Variants in TRPM3 observed in about 807,000 individuals in gnomAD.
TRPM3 encodes the protein transient receptor potential cation channel subfamily M member 3, also known as long transient receptor potential channel 3.
In TRPM3, 77 loss-of-function variants were observed where a neutral mutation model predicts 181.2. That is an observed-to-expected ratio of 0.42 (90% CI 0.35 to 0.51). The LOEUF (loss-of-function observed/expected upper bound fraction) is 0.51. TRPM3 is among the 20% of genes least tolerant of loss of function. The probability of loss-of-function intolerance (pLI) is 0.01; values close to 1 mark genes in which losing one functional copy is unlikely to be tolerated. For missense variants in TRPM3, 1,759 were observed against 2,196.7 expected (o/e 0.80, Z 3.98); for synonymous variants, 745 against 796.4 (o/e 0.94, Z 1.09).
At chr9:71,425,375 C>T (rs2093845816) in intron 1 of TRPM3, among the ~76,000 whole-genome samples, 1 of 152,108 alleles carries the variant, frequency 6.6e-6, no homozygotes, top group Non-Finnish European at 1.5e-5. Context: ...CTTCCAAAGC[C>T]TATTTCTCCC....
intron 6 of TRPM3, among the ~76,000 whole-genome samples, chr9:70,784,733 G>A (rs2083230867): frequency 6.6e-6 from 1 of 152,196 alleles, no homozygotes; most frequent in South Asian, 2.1e-4. Flanking sequence ...TATCACAGGG[G>A]TAAGAAAATC....
chr9:71,369,397 A>G (rs1170519535), intron 1 of TRPM3, among the ~76,000 whole-genome samples: 2 of 152,354 alleles, frequency 1.3e-5, no homozygotes, highest in African/African-American at 4.8e-5. Flanking sequence ...ACATGTTTCT[A>G]AAGAATCGAA....
intron 3 of TRPM3, among the ~76,000 whole-genome samples, chr9:70,849,321 A>G (rs947598093): frequency 2.0e-5 from 3 of 151,974 alleles, no homozygotes; most frequent in Non-Finnish European, 4.4e-5. Flanking sequence ...ATTTTTTTGT[A>G]TTTTTATTAT....
intron 1 of TRPM3, among the ~76,000 whole-genome samples, chr9:71,007,076 AG>A (rs2097686549): frequency 2.2e-5 from 3 of 136,718 alleles, no homozygotes; most frequent in South Asian, 2.4e-4. Context: ...AAGAAAAAAA[AG>A]ACTAAGTCAG....
chr9:71,263,250 A>G (rs566772381), intron 1 of TRPM3, among the ~76,000 whole-genome samples: 2 of 152,114 alleles, frequency 1.3e-5, no homozygotes, highest in African/African-American at 2.4e-5. Flanking sequence ...GTTTGCTTAC[A>G]TTTTTTTAAA....
chr9:71,165,113 G>C (rs988505794), intron 1 of TRPM3, among the ~76,000 whole-genome samples: 5 of 152,164 alleles, frequency 3.3e-5, no homozygotes, highest in African/African-American at 1.2e-4. Context: ...CAGCCCCGGA[G>C]CCAGGCTGAC....
At position 70,982,175 on chromosome 9, in the gene TRPM3, A is replaced by G. The variant is rs1033341168; in HGVS notation, c.178-117664T>C. On this transcript the variant is annotated intron_variant, in intron 1 of 25. Transcript: ENST00000677713. ...GCTGGCTTATTTCTCCAAGTCAGTT[A>G]TAATGTACAACCTCACATTCTTGGG... 2.6e-5 allele frequency among the ~76,000 whole-genome samples: 4 copies of G among 152,208 alleles called. No individual in the cohort carries two copies. In the South Asian group the frequency reaches 8.3e-4, roughly 32 times the overall value.
At chr9:70,582,256 T>C (rs115930926) in intron 22 of TRPM3, among the ~76,000 whole-genome samples, 287 of 152,232 alleles carry the variant, frequency 1.9e-3, no homozygotes, top group African/African-American at 6.5e-3. Context: ...ACATTTTAAA[T>C]TCCTTTATAA....
At chr9:71,059,723 C>T (rs1353218664) in intron 1 of TRPM3, among the ~76,000 whole-genome samples, 1 of 152,072 alleles carries the variant, frequency 6.6e-6, no homozygotes, top group Non-Finnish European at 1.5e-5. Context: ...AGGACTGAAG[C>T]ATCAATTCCT....
chr9:71,014,931 A>C (rs1374770306), intron 1 of TRPM3, among the ~76,000 whole-genome samples: 1 of 152,174 alleles, frequency 6.6e-6, no homozygotes, highest in African/African-American at 2.4e-5. Context: ...TTCTCCATAT[A>C]ATCAGCTTTC....
chr9:70,920,948 AT>A, intron 1 of TRPM3, among the ~76,000 whole-genome samples: 2 of 151,788 alleles, frequency 1.3e-5, no homozygotes, highest in South Asian at 4.2e-4. Flanking sequence ...GACCAGAGGA[AT>A]GTTGCCAAAC....
chr9:71,296,300 T>A (rs1340126830), intron 1 of TRPM3, among the ~76,000 whole-genome samples: 2 of 152,142 alleles, frequency 1.3e-5, no homozygotes, highest in South Asian at 2.1e-4. Context: ...CCTTGCAGCT[T>A]CATATTCTGC....
chr9:71,027,766 A>G (rs141827022), intron 1 of TRPM3, among the ~76,000 whole-genome samples: 1 of 152,288 alleles, frequency 6.6e-6, no homozygotes, highest in Non-Finnish European at 1.5e-5. Flanking sequence ...AAGAAGAAAG[A>G]AGAAAGAATG....
intron 22 of TRPM3, among the ~76,000 whole-genome samples, chr9:70,573,003 T>C (rs2052873675): frequency 6.6e-6 from 1 of 152,236 alleles, no homozygotes; most frequent in South Asian, 2.1e-4. Context: ...ATAGATGGTA[T>C]AATTTATCTG....
chr9:71,260,754 T>C (rs1410027148), intron 1 of TRPM3, among the ~76,000 whole-genome samples: 2 of 152,230 alleles, frequency 1.3e-5, no homozygotes, highest in Non-Finnish European at 2.9e-5. Flanking sequence ...TTGCTGAAGT[T>C]GCTTATCAAC....
At position 70,536,792 on chromosome 9, in the gene TRPM3, G is replaced by A. The variant is rs773005864; in HGVS notation, c.4321C>T (p.Pro1441Ser). ...GAAGGTACTGGAGTTGAAAAGCTTG[G>A]CTCGCCCAGCCCAAGGATGTTCACG... ...NSVNILGLGE[P>S]SFSTPVPSTA... The change falls in exon 26 of 26, where the codon CCA becomes TCA. Residue 1441 changes from proline (P) to serine (S), a missense_variant. Physicochemically the swap from Pro to Ser is moderately conservative, Grantham distance 74. Around this residue, in one of 8 missense-constraint regions of TRPM3, gnomAD observed 612 missense variants for 590.0 expected, o/e 1.04. Coordinates refer to ENST00000677713, the MANE Select transcript of TRPM3 (RefSeq NM_001366145.2). The A allele has an allele frequency of 6.2e-7, 1 of 1,614,166 alleles. No individual in the cohort carries two copies. The highest frequency in any genetic ancestry group is 1.7e-5 in the Admixed American group (1 of 60,028).
intron 1 of TRPM3, among the ~76,000 whole-genome samples, chr9:71,419,415 T>A (rs1158092290): frequency 2.6e-5 from 4 of 151,982 alleles, no homozygotes; most frequent in Non-Finnish European, 5.9e-5. Flanking sequence ...GCATTTCTGT[T>A]TGTTTACAAA....
chr9:70,961,600 T>A (rs2097137220), intron 1 of TRPM3, among the ~76,000 whole-genome samples: 1 of 152,188 alleles, frequency 6.6e-6, no homozygotes, highest in Admixed American at 6.5e-5. Flanking sequence ...CTACCTTAGA[T>A]GTCCTCTTAC....
Position 71,121,207 on chromosome 9 carries a change from C to G in TRPM3, c.148G>C (p.Ala50Pro). 5 of 1,613,984 alleles carry G rather than the reference C, an allele frequency of 3.1e-6. No homozygotes were observed. The highest frequency in any genetic ancestry group is 4.2e-6 in the Non-Finnish European group (5 of 1,179,896). Residue 50 changes from alanine (A) to proline (P), a missense_variant, in exon 1 of 26, where the codon GCC becomes CCC. Coordinates refer to ENST00000677713, the MANE Select transcript of TRPM3 (RefSeq NM_001366145.2). ...NWTIRKLCHA[A>P]FLPSVRLLKA... ...AGAAGTCTGACAGATGGAAGAAAGG[C>G]TGCGTGGCACAGCTTCCGGATGGTC...
Sources: gnomAD v4.1 joint callset for allele counts (sites outside exome capture counted in the v4.1 genomes callset) on GRCh38, gnomAD v4.1.1 for gene constraint, gnomAD v4.1.1 regional missense constraint, MANE v1.5 for transcripts, NCBI Gene and HGNC (gene_info 2026-07-23, HGNC 2026-07-21) for gene names.